Variants in SHANK1 observed in about 807,000 individuals in gnomAD.
The protein encoded by SHANK1 is SH3 and multiple ankyrin repeat domains 1.
SHANK1 carries 35 observed loss-of-function variants against 165.6 expected under a neutral mutation model. That is an observed-to-expected ratio of 0.21 (90% CI 0.16 to 0.28). The LOEUF (loss-of-function observed/expected upper bound fraction) is 0.28. Ranked by LOEUF, SHANK1 falls within the 10% of genes least tolerant of loss-of-function variation. SHANK1 has a pLI of 1.00. For synonymous variants in SHANK1, 1,428 were observed against 1,384.8 expected (o/e 1.03, Z -0.69); for missense variants, 2,681 against 3,036.4 (o/e 0.88, Z 2.75).
rs1055722122 is a variant in SHANK1 at position 50,666,519 on chromosome 19, C to A, written c.5441G>T (p.Gly1814Val). 1.3e-6 allele frequency: 2 copies of A among 1,584,100 alleles called. No homozygotes were observed. Among genetic ancestry groups the A allele is most frequent in the Non-Finnish European group, 1.7e-6 (2 of 1,168,280 alleles). ...GACTTCTGGCTCTACAGCCACCGGA[C>A]CCCCCGCCACGCCTGCCGTGGGGGG... ...SGPPTAGVAG[G>V]PVAVEPEVPP... Residue 1814 changes from glycine (G) to valine (V), a missense_variant, in exon 23 of 24, where the codon GGT becomes GTT. Coordinates refer to ENST00000293441, the MANE Select transcript of SHANK1 (RefSeq NM_016148.5).
rs751980353 is a variant in SHANK1, at chr19:50,666,487, C to T, written c.5473G>A (p.Val1825Met). 3.4e-5 allele frequency: 54 copies of T among 1,597,368 alleles called. 1 individual carries two copies. In the South Asian group the frequency reaches 5.4e-4, roughly 16 times the overall value. Reference sequence around the variant, plus strand: ...AGAGAGGAGGCCGTCGGCAAGGGCACCGGTGGGACTTCTGGCTCTACAGCC... The same window carrying T: ...AGAGAGGAGGCCGTCGGCAAGGGCATCGGTGGGACTTCTGGCTCTACAGCC... ...PVAVEPEVPP[V>M]PLPTASSLPR... The change falls in exon 23 of 24, where the codon GTG becomes ATG. Residue 1825 changes from valine (V) to methionine (M), a missense_variant. Val to Met is a conservative substitution (Grantham distance 21). Around this residue, in one of 10 missense-constraint regions of SHANK1, gnomAD observed 1,713 missense variants for 1,630.2 expected, o/e 1.05. Coordinates refer to ENST00000293441, the MANE Select transcript of SHANK1 (RefSeq NM_016148.5).
Position 50,662,075 on chromosome 19 carries a change from C to T in SHANK1, c.6376G>A (p.Gly2126Ser). ...RAQFLDHEIDGSHLPALTKED... is the reference protein window; with the variant it reads ...RAQFLDHEIDSSHLPALTKED... ...TTGGTCAAGGCGGGCAGGTGGGAGC[C>T]ATCGATCTCGTGGTCCAGGAACTGG... Residue 2126 changes from glycine (G) to serine (S), a missense_variant, in exon 24 of 24, where the codon GGC becomes AGC. Gly to Ser is a moderately conservative substitution (Grantham distance 56, BLOSUM62 0). Around this residue, in one of 10 missense-constraint regions of SHANK1, gnomAD observed 49 missense variants for 94.2 expected, o/e 0.52. Coordinates refer to ENST00000293441, the MANE Select transcript of SHANK1 (RefSeq NM_016148.5). This position sits in a 1 kb window ranked among gnomAD's most constrained non-coding sequence, Gnocchi z 7.7. 6.2e-7 allele frequency: 1 copy of T among 1,614,162 alleles called. No homozygotes were observed. The highest frequency in any genetic ancestry group is 2.2e-5 in the East Asian group (1 of 44,880).
In SHANK1 at chr19:50,666,863, G is replaced by C; in HGVS notation, c.5097C>G (p.Ser1699Arg). 1 of 1,569,452 alleles carries C rather than the reference G, an allele frequency of 6.4e-7. No homozygotes were observed. The highest frequency in any genetic ancestry group is 8.6e-7 in the Non-Finnish European group (1 of 1,158,724). The change falls in exon 23 of 24, where the codon AGC (serine) becomes AGG (arginine). Residue 1699 changes from serine to arginine, a missense_variant. Around this residue, in one of 10 missense-constraint regions of SHANK1, gnomAD observed 1,713 missense variants for 1,630.2 expected, o/e 1.05. Coordinates refer to ENST00000293441, the MANE Select transcript of SHANK1 (RefSeq NM_016148.5). ...ETISSASTLSSLSAEGGGSAG... is the reference protein window; with the variant it reads ...ETISSASTLSRLSAEGGGSAG... ...CGCTGCCACCACCTTCGGCAGATAG[G>C]CTGCTCAGCGTGGAGGCGCTGCTGA...
At position 50,702,463 on chromosome 19, in the gene SHANK1, G is replaced by T; in HGVS notation, c.1747+4C>A. The T allele has an allele frequency of 6.2e-7, 1 of 1,607,872 alleles. No individual in the cohort carries two copies. ...AGCCCAGGCCCTGCTTCCACCCTGGGTACCTTTGATCTTCTCGCCCTTGCT... is the reference window on the plus strand; with the variant it reads ...AGCCCAGGCCCTGCTTCCACCCTGGTTACCTTTGATCTTCTCGCCCTTGCT... On this transcript the variant is annotated splice_donor_region_variant and intron_variant, in intron 12 of 23. Coordinates refer to ENST00000293441, the MANE Select transcript of SHANK1 (RefSeq NM_016148.5). This position sits in a 1 kb window ranked among gnomAD's most constrained non-coding sequence, Gnocchi z 5.3.
In SHANK1 at chr19:50,659,569, C is replaced by T. The variant is rs1985104725; in HGVS notation, c.*2396G>A. On this transcript the variant is annotated 3_prime_UTR_variant, in exon 24 of 24. Transcript: ENST00000293441. ...GCCCCCCTCCTCTTCCCCTCCCACC[C>T]CCCCTTGGAAGACAATTCTCGGGCT... is the stretch of plus-strand genomic sequence containing the variant. Among the ~76,000 whole-genome samples the T allele has an allele frequency of 6.8e-6, 1 of 147,924 alleles. No homozygotes were observed. Among genetic ancestry groups the T allele is most frequent in the Non-Finnish European group, 1.5e-5 (1 of 66,784 alleles).
intron 8 of SHANK1, among the ~76,000 whole-genome samples, chr19:50,708,235 G>T (rs1248700021): frequency 1.3e-5 from 2 of 152,008 alleles, no homozygotes; most frequent in African/African-American, 4.8e-5. Flanking sequence ...GTGAGGCACC[G>T]CGCCTGGCTT....
At position 50,702,989 on chromosome 19, in the gene SHANK1, G is replaced by A. The variant is rs1396775290; in HGVS notation, c.1554-329C>T. On this transcript the variant is annotated intron_variant, in intron 11 of 23. Coordinates refer to ENST00000293441, the MANE Select transcript of SHANK1 (RefSeq NM_016148.5). This position sits in a 1 kb window ranked among gnomAD's most constrained non-coding sequence, Gnocchi z 5.3. ...CTTCCGCGACTCCCAGCTTCCTCCT[G>A]GGTCAGGTCCAACTCCTCTGCCCGC... Among the ~76,000 whole-genome samples, 1 of 152,098 alleles carries A rather than the reference G, an allele frequency of 6.6e-6. No individual in the cohort carries two copies. Among genetic ancestry groups the A allele is most frequent in the African/African-American group, 2.4e-5 (1 of 41,430 alleles).
rs763365954 is a variant in SHANK1 at position 50,667,660 on chromosome 19, G to C, written c.4300C>G (p.Pro1434Ala). ...AGLGSQEKSLPASPPAARRSL... is the reference protein window; with the variant it reads ...AGLGSQEKSLAASPPAARRSL... ...CGCCGGGCGGCGGGCGGGCTGGCGGGAAGGGACTTCTCCTGGCTGCCCAGC... is the reference window on the plus strand; with the variant it reads ...CGCCGGGCGGCGGGCGGGCTGGCGGCAAGGGACTTCTCCTGGCTGCCCAGC... Residue 1434 changes from proline to alanine, a missense_variant, in exon 23 of 24, where the codon CCC becomes GCC. Pro to Ala is a conservative substitution (Grantham distance 27). Transcript: ENST00000293441. This position sits in a 1 kb window ranked among gnomAD's most constrained non-coding sequence, Gnocchi z 5.7. 1 of 1,401,930 alleles carries C rather than the reference G, an allele frequency of 7.1e-7. No individual in the cohort carries two copies. The highest frequency in any genetic ancestry group is 9.2e-7 in the Non-Finnish European group (1 of 1,087,590). The allele number at this position is 1,401,930 out of a possible 1,614,324, so 86.8% of individuals were successfully genotyped here.
At chr19:50,671,046 C>A (rs1985772716) in intron 22 of SHANK1, among the ~76,000 whole-genome samples, 1 of 151,852 alleles carries the variant, frequency 6.6e-6, no homozygotes, top group South Asian at 2.1e-4. Context: ...CCTGCCTCGG[C>A]CTCCCAAAGT....
At chr19:50,696,350 A>C (rs980360615) in intron 15 of SHANK1, among the ~76,000 whole-genome samples, 2 of 152,108 alleles carry the variant, frequency 1.3e-5, no homozygotes, top group African/African-American at 4.8e-5. Context: ...AGCGCCTCAG[A>C]CACTCGGGGC....
intron 8 of SHANK1, among the ~76,000 whole-genome samples, chr19:50,705,999 A>G (rs981021731): frequency 3.9e-5 from 6 of 152,088 alleles, no homozygotes; most frequent in Non-Finnish European, 7.3e-5. Context: ...TGTACAGAAA[A>G]TTTTAAAAAA....
chr19:50,680,759 G>A (rs112189651), intron 21 of SHANK1, among the ~76,000 whole-genome samples: 51,870 of 151,280 alleles, frequency 0.34, 10,972 homozygotes, highest in Admixed American at 0.5. Flanking sequence ...AGGTTCAAGC[G>A]ATTCTCCTGT....
At position 50,666,630 on chromosome 19, in the gene SHANK1, C is replaced by G; in HGVS notation, c.5330G>C (p.Arg1777Pro). ...GGGGCTGGTGGGGGTAACAGGGTCTCGGAGTCCCCCGCTGGGGCCAGGCCG... is the reference window on the plus strand; with the variant it reads ...GGGGCTGGTGGGGGTAACAGGGTCTGGGAGTCCCCCGCTGGGGCCAGGCCG... ...GLRPGPSGGL[R>P]DPVTPTSPTV... Residue 1777 changes from arginine (R) to proline (P), a missense_variant, in exon 23 of 24, where the codon CGA becomes CCA. Around this residue, in one of 10 missense-constraint regions of SHANK1, gnomAD observed 1,713 missense variants for 1,630.2 expected, o/e 1.05. Coordinates refer to ENST00000293441, the MANE Select transcript of SHANK1 (RefSeq NM_016148.5). 6.3e-7 allele frequency: 1 copy of G among 1,597,246 alleles called. No homozygotes were observed. The highest frequency in any genetic ancestry group is 1.1e-5 in the South Asian group (1 of 88,866).
intron 22 of SHANK1, among the ~76,000 whole-genome samples, chr19:50,671,129 C>G (rs934275325): frequency 3.3e-5 from 5 of 149,270 alleles, no homozygotes; most frequent in African/African-American, 1.2e-4. Context: ...ACCCTGCCCC[C>G]TACCCAGCAC....
chr19:50,692,932 C>T (rs746119866), intron 15 of SHANK1, among the ~76,000 whole-genome samples: 5 of 149,018 alleles, frequency 3.4e-5, no homozygotes, highest in Non-Finnish European at 1.5e-5. Context: ...ACCTCTGTGA[C>T]CTCCTCACCC....
intron 21 of SHANK1, 27 bp from the exon 22 acceptor site, chr19:50,672,141 A>G (rs1599844027): frequency 6.4e-7 from 1 of 1,560,618 alleles, no homozygotes. Flanking sequence ...AGAGGGGGAG[A>G]GAGAGAAAAG....
chr19:50,701,742 C>T (rs188355150), intron 12 of SHANK1, among the ~76,000 whole-genome samples: 1 of 152,256 alleles, frequency 6.6e-6, no homozygotes, highest in East Asian at 1.9e-4. Context: ...AGAATTGTTC[C>T]AATGCCTCGT....
rs1171383208 is a variant in SHANK1, at chr19:50,719,556, C to T, written c.-194G>A. ...GCCCGGGGAGGGGGCGGGCGGGGAC[C>T]GGGGGGGAGGGCGGGAGGGCCGAGG... is the stretch of plus-strand genomic sequence containing the variant. On this transcript the variant is annotated 5_prime_UTR_variant, in exon 1 of 24. Transcript: ENST00000293441. 1 of 128,634 alleles carries T rather than the reference C, an allele frequency of 7.8e-6. No individual in the cohort carries two copies. The highest frequency in any genetic ancestry group is 7.4e-5 in the Admixed American group (1 of 13,588). The allele number at this position is 128,634 out of a possible 1,614,324, so 8.0% of individuals were successfully genotyped here.
chr19:50,695,310 C>T (rs1326513983), intron 15 of SHANK1, among the ~76,000 whole-genome samples: 3 of 147,734 alleles, frequency 2.0e-5, no homozygotes. Context: ...GGACCGCGGA[C>T]GGCGCCGGCT....
Sources: gnomAD v4.1 joint callset for allele counts (sites outside exome capture counted in the v4.1 genomes callset) on GRCh38, gnomAD v4.1.1 for gene constraint, gnomAD v4.1.1 regional missense constraint, Gnocchi (gnomAD v3.1) non-coding constraint, MANE v1.5 for transcripts, NCBI Gene and HGNC (gene_info 2026-07-23, HGNC 2026-07-21) for gene names.